The following DOCK11 variants were observed in gnomAD, a reference collection of about 807,000 sequenced individuals.
DOCK11 encodes the protein dedicator of cytokinesis 11, also known as dedicator of cytokinesis protein 11.
DOCK11 carries 70 observed loss-of-function variants against 169.1 expected under a neutral mutation model. The ratio of observed to expected loss-of-function variants is 0.41; its 90% confidence interval spans 0.34 to 0.51. The LOEUF is 0.51. DOCK11 is among the 20% of genes least tolerant of loss of function. The pLI, the probability that DOCK11 is intolerant of heterozygous loss-of-function variation, is 0.10. For synonymous variants in DOCK11, 529 were observed against 541.3 expected, an observed-to-expected ratio of 0.98 and a Z score of 0.32; for missense variants, 1,166 against 1,538.8, an observed-to-expected ratio of 0.76 and a Z score of 4.05.
At position 118,599,208 on chromosome X, in the gene DOCK11, G is replaced by T. The variant is rs1260899147; in HGVS notation, c.2542G>T (p.Glu848Ter). ...GTCAGGCTCGAAAGAAGTTCCAGGG[G>T]AGCTCATTAAATATTTAAAGGTAAA... The part of the protein sequence containing the change: ...IQSGSKEVPG[E>*]LIKYLKCLHA... Residue 848 changes from glutamate (E) to a stop codon, truncating the protein, a stop_gained, in exon 23 of 53, where the codon GAG becomes TAG. Transcript: ENST00000276202. LOFTEE classifies it high-confidence loss of function. 8.3e-7 allele frequency: 1 copy of T among 1,205,882 alleles called. No homozygotes were observed. Among genetic ancestry groups the T allele is most frequent in the African/African-American group, 1.8e-5 (1 of 56,842 alleles).
chrX:118,624,471 G>A, intron 31 of DOCK11, 68 bp from the exon 32 acceptor site: 5 of 682,697 alleles, frequency 7.3e-6, no homozygotes, highest in Non-Finnish European at 1.1e-5. Flanking sequence ...GATATATGAA[G>A]CCAACTCCAT....
At chrX:118,642,420 A>AT (rs2015555997) in intron 39 of DOCK11, among the ~76,000 whole-genome samples, 1 of 112,351 alleles carries the variant, frequency 8.9e-6, no homozygotes, top group Non-Finnish European at 1.9e-5. Flanking sequence ...ACTAAATGTA[A>AT]TTTAATTGTA....
intron 16 of DOCK11, among the ~76,000 whole-genome samples, chrX:118,586,912 A>G (rs192095792): frequency 5.3e-5 from 6 of 112,163 alleles, no homozygotes; most frequent in Admixed American, 4.7e-4. Context: ...AAAAAATTGA[A>G]TTTTATTCTA....
chrX:118,640,717 C>T (rs2015508122), intron 38 of DOCK11, among the ~76,000 whole-genome samples: 2 of 112,415 alleles, frequency 1.8e-5, no homozygotes, highest in African/African-American at 6.5e-5. Context: ...GCTGTTGATA[C>T]AGAACTGTAA....
intron 3 of DOCK11, among the ~76,000 whole-genome samples, chrX:118,543,292 C>G (rs1474062681): frequency 9.0e-6 from 1 of 111,566 alleles, no homozygotes; most frequent in Non-Finnish European, 1.9e-5. Flanking sequence ...TTTGAATACT[C>G]TTTGCACTGA....
chrX:118,543,530 C>T lies in DOCK11; in HGVS notation c.329C>T (p.Thr110Ile). The T allele has an allele frequency of 8.3e-7, 1 of 1,207,245 alleles. No homozygotes were observed. Among genetic ancestry groups the T allele is most frequent in the East Asian group, 3.0e-5 (1 of 33,822 alleles). Reference protein sequence around the residue: ...FVKECIKTYSTDWHVVNYKYE... With the variant: ...FVKECIKTYSIDWHVVNYKYE... The stretch of plus-strand genomic sequence containing the variant: ...TTTCAGTGTATTAAAACCTATAGCA[C>T]AGATTGGCACGTGGTAAACTACAAG... The change falls in exon 4 of 53, where the codon ACA (threonine) becomes ATA (isoleucine). Residue 110 changes from threonine to isoleucine, a missense_variant. Coordinates refer to ENST00000276202, the MANE Select transcript of DOCK11 (RefSeq NM_144658.4).
intron 24 of DOCK11, among the ~76,000 whole-genome samples, chrX:118,605,600 A>G (rs768020101): frequency 9.0e-6 from 1 of 111,412 alleles, no homozygotes; most frequent in Non-Finnish European, 1.9e-5. Flanking sequence ...CCTGTGATTG[A>G]TTTCTAGTTT....
intron 10 of DOCK11, among the ~76,000 whole-genome samples, chrX:118,569,991 T>C (rs1336913890): frequency 8.9e-6 from 1 of 112,277 alleles, no homozygotes; most frequent in Non-Finnish European, 1.9e-5. Context: ...ACTGGTTTTA[T>C]GTCTGAGTTG....
chrX:118,645,486 G>A (rs2015633609), intron 40 of DOCK11, among the ~76,000 whole-genome samples: 2 of 109,732 alleles, frequency 1.8e-5, no homozygotes, highest in South Asian at 7.9e-4. Flanking sequence ...CTGAGGTCAG[G>A]AGTTTGACAC....
intron 1 of DOCK11, among the ~76,000 whole-genome samples, chrX:118,499,103 G>C (rs1396247027): frequency 8.9e-6 from 1 of 112,206 alleles, no homozygotes; most frequent in Non-Finnish European, 1.9e-5. Flanking sequence ...TAACCTGAGA[G>C]TGTATGTGAT....
Position 118,654,784 on chromosome X carries a change from C to T in DOCK11, c.4878C>T (p.Ala1626=), listed in dbSNP as rs2016025442. 2 of 1,211,437 alleles carry T rather than the reference C, an allele frequency of 1.7e-6. No individual in the cohort carries two copies. The highest frequency in any genetic ancestry group is 2.3e-4 in the Middle Eastern group (1 of 4,350). Residue 1626 remains alanine (A), a synonymous_variant, in exon 43 of 53, where the codon GCC becomes GCT. Transcript: ENST00000276202. Reference sequence around the variant, plus strand: ...GGAAAACCTGGCTTGATAGCATGGCCAAGATTCATGTAAAAAATGGAGATT... The same window carrying T: ...GGAAAACCTGGCTTGATAGCATGGCTAAGATTCATGTAAAAAATGGAGATT... ...ELRKTWLDSM[A]KIHVKNGDFS...
At chrX:118,546,891 G>C (rs2012305441) in intron 6 of DOCK11, among the ~76,000 whole-genome samples, 1 of 111,764 alleles carries the variant, frequency 8.9e-6, no homozygotes, top group African/African-American at 3.3e-5. Context: ...TCAGGAGACT[G>C]AGGTGGGAGA....
rs781330428 is a variant in DOCK11, at chrX:118,542,098, T to C, written c.103-627T>C. Among the ~76,000 whole-genome samples the C allele has an allele frequency of 5.4e-5, 6 of 111,798 alleles. No individual in the cohort carries two copies. The East Asian group carries it at 1.4e-3, about 26-fold the overall frequency. ...AGGCACACTTCCAAGTATGCCACTT[T>C]TTGTTTTACTTAAAATTCAATAATT... On this transcript the variant is annotated intron_variant, in intron 1 of 52. Coordinates refer to ENST00000276202, the MANE Select transcript of DOCK11 (RefSeq NM_144658.4).
intron 1 of DOCK11, among the ~76,000 whole-genome samples, chrX:118,497,621 G>C (rs747554739): frequency 1.8e-5 from 2 of 112,141 alleles, no homozygotes; most frequent in Non-Finnish European, 3.8e-5. Context: ...ATCACAGCCA[G>C]TTAAGAGAGG....
At chrX:118,563,242 G>A (rs73585596) in intron 7 of DOCK11, among the ~76,000 whole-genome samples, 6,078 of 111,612 alleles carry the variant, frequency 0.054, 312 homozygotes, top group African/African-American at 0.15. Context: ...GGGATTAGTA[G>A]TATCTGTATA....
intron 35 of DOCK11, among the ~76,000 whole-genome samples, 181 bp downstream of exon 35, chrX:118,630,671 A>C (rs1198401940): frequency 8.9e-6 from 1 of 112,476 alleles, no homozygotes; most frequent in Admixed American, 9.4e-5. Flanking sequence ...GGTTCATGTC[A>C]GTCACACAAG....
At chrX:118,558,225 G>A (rs1175385374) in intron 6 of DOCK11, among the ~76,000 whole-genome samples, 2 of 110,142 alleles carry the variant, frequency 1.8e-5, no homozygotes, top group Non-Finnish European at 3.8e-5. Context: ...CACCCACCTC[G>A]GCCTCCCAAA....
intron 6 of DOCK11, among the ~76,000 whole-genome samples, chrX:118,554,662 T>C (rs1393767415): frequency 8.9e-6 from 1 of 112,089 alleles, no homozygotes; most frequent in Non-Finnish European, 1.9e-5. Flanking sequence ...TAGATCATTG[T>C]GGCCTGGGGT....
intron 52 of DOCK11, 142 bp from the exon 53 acceptor site, chrX:118,685,546 A>T: frequency 7.8e-6 from 6 of 769,601 alleles, no homozygotes; most frequent in Non-Finnish European, 1.1e-5. Flanking sequence ...CGGTAATGTT[A>T]TTCTTTGCTC....
Sources: gnomAD v4.1 joint callset for allele counts (sites outside exome capture counted in the v4.1 genomes callset) on GRCh38, gnomAD v4.1.1 for gene constraint, MANE v1.5 for transcripts, NCBI Gene and HGNC (gene_info 2026-07-23, HGNC 2026-07-21) for gene names.